PTPRN2: variants seen among roughly 807,000 people sequenced by gnomAD.
PTPRN2 encodes receptor-type tyrosine-protein phosphatase N2.
PTPRN2 carries 74 observed loss-of-function variants against 118.8 expected under a neutral mutation model. The observed-to-expected ratio is 0.62, with a 90% CI of 0.52 to 0.76. PTPRN2 has a LOEUF of 0.76. Among genes scored for constraint, PTPRN2 ranks in the 30% least tolerant of loss-of-function variants. The pLI, the probability that PTPRN2 is intolerant of heterozygous loss-of-function variation, is 0.00. For synonymous variants in PTPRN2, 641 were observed against 608.0 expected (o/e 1.05, Z -0.80); for missense variants, 1,481 against 1,394.4 (o/e 1.06, Z -0.99).
intron 10 of PTPRN2, among the ~76,000 whole-genome samples, chr7:158,101,951 C>T (rs983973636): frequency 4.6e-5 from 7 of 152,188 alleles, no homozygotes; most frequent in Non-Finnish European, 7.3e-5. Context: ...CACTACGCCA[C>T]GGTGGGCCCT....
At chr7:158,162,648 C>CGTCACCTGTTGTCCTGCAT (rs1481936156) in intron 6 of PTPRN2, among the ~76,000 whole-genome samples, 61 of 152,122 alleles carry the variant, frequency 4.0e-4, no homozygotes, top group Non-Finnish European at 6.6e-4. Context: ...GGCCACTGCA[C>CGTCACCTGTTGTCCTGCAT]GTCACCTGTT....
chr7:158,149,522 G>A (rs933566771), intron 6 of PTPRN2, among the ~76,000 whole-genome samples: 10 of 151,990 alleles, frequency 6.6e-5, no homozygotes, highest in South Asian at 2.1e-4. Context: ...AGATAAGCCC[G>A]GCTGGGCGCA....
At chr7:157,666,036 T>G (rs1563322867) in intron 13 of PTPRN2, among the ~76,000 whole-genome samples, 1 of 151,776 alleles carries the variant, frequency 6.6e-6, no homozygotes, top group Non-Finnish European at 1.5e-5. Context: ...CTAATGTAAA[T>G]GACGAGTTGG....
intron 3 of PTPRN2, among the ~76,000 whole-genome samples, chr7:158,260,851 G>A (rs547037399): frequency 6.1e-4 from 93 of 152,292 alleles, no homozygotes; most frequent in Non-Finnish European, 1.1e-3. Flanking sequence ...CGCACAGGCC[G>A]GGACCCAGCA....
chr7:158,158,360 T>C (rs1822027302), intron 6 of PTPRN2, among the ~76,000 whole-genome samples: 1 of 152,218 alleles, frequency 6.6e-6, no homozygotes, highest in African/African-American at 2.4e-5. Context: ...CAGGCTGGGA[T>C]TCCCACCACC....
intron 10 of PTPRN2, among the ~76,000 whole-genome samples, chr7:158,103,528 T>C (rs2150352046): frequency 6.6e-6 from 1 of 152,328 alleles, no homozygotes; most frequent in Admixed American, 6.5e-5. Flanking sequence ...CCCCAGGAGA[T>C]TCCCTTCCTC....
intron 12 of PTPRN2, among the ~76,000 whole-genome samples, chr7:157,852,292 AT>A (rs990418791): frequency 4.6e-5 from 7 of 152,258 alleles, no homozygotes; most frequent in Admixed American, 4.6e-4. Context: ...GTTGAAAACA[AT>A]TATGAAAACA....
intron 2 of PTPRN2, among the ~76,000 whole-genome samples, chr7:158,472,996 T>TGCAGAA (rs376896100): frequency 0.7 from 105,888 of 152,038 alleles, 37,075 homozygotes; most frequent in Admixed American, 0.78. Flanking sequence ...TGAAATTAGT[T>TGCAGAA]ATGGGTTTTA....
At chr7:158,322,060 C>T (rs919232068) in intron 2 of PTPRN2, among the ~76,000 whole-genome samples, 3 of 152,186 alleles carry the variant, frequency 2.0e-5, no homozygotes, top group Admixed American at 2.0e-4. Context: ...ATCAACGAGG[C>T]TCATCATCTC....
chr7:158,061,767 T>C (rs1810367732), intron 11 of PTPRN2, among the ~76,000 whole-genome samples: 1 of 152,334 alleles, frequency 6.6e-6, no homozygotes, highest in Non-Finnish European at 1.5e-5. Flanking sequence ...AGAAGGTTGT[T>C]AACCTGTCAA....
chr7:158,536,565 T>G (rs1294022879), intron 1 of PTPRN2, among the ~76,000 whole-genome samples: 1 of 144,552 alleles, frequency 6.9e-6, no homozygotes, highest in Non-Finnish European at 1.5e-5. Context: ...CAGCCCACCA[T>G]CACCGAGACG....
intron 12 of PTPRN2, among the ~76,000 whole-genome samples, chr7:157,896,633 G>A (rs1457347487): frequency 1.3e-5 from 2 of 151,644 alleles, no homozygotes; most frequent in Admixed American, 6.6e-5. Context: ...CCAGGCTCAC[G>A]TGTGCGTGGG....
chr7:158,578,246 C>G lies in PTPRN2; in HGVS notation c.112+9312G>C, dbSNP rs77863894. On this transcript the variant is annotated intron_variant, in intron 1 of 22. Transcript: ENST00000389418. ...CTTTTTATTATACTTTCTACTCAAA[C>G]TTGTAAGAAATTTGTATGAATATTA... Among the ~76,000 whole-genome samples the G allele has an allele frequency of 4.0e-4, 60 of 150,670 alleles. 3 individuals carry two copies. Among genetic ancestry groups the G allele is most frequent in the South Asian group, 4.0e-3 (19 of 4,772 alleles).
rs1417331120 is a variant in PTPRN2 at position 157,585,641 on chromosome 7, TC to T, written c.2497-7502del. 6.6e-6 allele frequency among the ~76,000 whole-genome samples: 1 copy of T among 152,218 alleles called. No individual in the cohort carries two copies. Among genetic ancestry groups the T allele is most frequent in the Admixed American group, 6.5e-5 (1 of 15,294 alleles). ...TTCCCGGTTAAATATGCGCCTGGTC[TC>T]CTTGCGGGGAGCTGCTGCACTGGGC... On this transcript the variant is annotated intron_variant, in intron 17 of 22. Transcript: ENST00000389418. The surrounding 1 kb of genome is among the most constrained non-coding windows in gnomAD (Gnocchi z 5.2).
chr7:157,557,259 C>T (rs1422032349), intron 21 of PTPRN2, among the ~76,000 whole-genome samples: 1 of 151,542 alleles, frequency 6.6e-6, no homozygotes, highest in Non-Finnish European at 1.5e-5. Flanking sequence ...GCACACACCA[C>T]ACAACACTCA....
intron 12 of PTPRN2, among the ~76,000 whole-genome samples, chr7:157,873,173 C>T (rs1254178526): frequency 2.6e-5 from 4 of 152,250 alleles, no homozygotes; most frequent in African/African-American, 9.6e-5. Flanking sequence ...CCCTGAAGTC[C>T]TGCTTCCTCG....
rs370624864 is a variant in PTPRN2 at position 158,138,510 on chromosome 7, G to A, written c.916C>T (p.Arg306Trp). The A allele has an allele frequency of 2.8e-5, 45 of 1,610,656 alleles. No individual in the cohort carries two copies. The highest frequency in any genetic ancestry group is 1.2e-4 in the African/African-American group (9 of 74,938). ...EDPSSTGDGA[R>W]IHTLLKDLQR... Reference sequence around the variant, plus strand: ...AGGTCCTTCAGGAGGGTATGAATCCGTGCTCCTAGGGGCACACACACAAAC... The same window carrying A: ...AGGTCCTTCAGGAGGGTATGAATCCATGCTCCTAGGGGCACACACACAAAC... The change falls in exon 7 of 23, where the codon CGG (arginine) becomes TGG (tryptophan). Residue 306 changes from arginine (R) to tryptophan (W), a missense_variant. By Grantham distance (101) the Arg-to-Trp change is moderately radical. This residue lies in a region of PTPRN2 where 1,115 missense variants were observed against 994.2 expected (regional missense o/e 1.12). Coordinates refer to ENST00000389418, the MANE Select transcript of PTPRN2 (RefSeq NM_002847.5).
chr7:158,487,681 C>G (rs1347462600), intron 2 of PTPRN2, among the ~76,000 whole-genome samples: 2 of 152,122 alleles, frequency 1.3e-5, no homozygotes, highest in Non-Finnish European at 2.9e-5. Context: ...CGCCCCCCAC[C>G]GCACCCTGGG....
intron 6 of PTPRN2, among the ~76,000 whole-genome samples, chr7:158,139,968 T>C (rs910496342): frequency 6.6e-6 from 1 of 151,820 alleles, no homozygotes; most frequent in African/African-American, 2.4e-5. Flanking sequence ...AGTGGGTCCC[T>C]GTGGGCCTGC....
Sources: gnomAD v4.1 joint callset for allele counts (sites outside exome capture counted in the v4.1 genomes callset) on GRCh38, gnomAD v4.1.1 for gene constraint, gnomAD v4.1.1 regional missense constraint, Gnocchi (gnomAD v3.1) non-coding constraint, MANE v1.5 for transcripts, NCBI Gene and HGNC (gene_info 2026-07-23, HGNC 2026-07-21) for gene names.